ZNF831: variants seen among roughly 807,000 people sequenced by gnomAD.
ZNF831 encodes the protein chromosome 20 open reading frame 174.
In ZNF831, 59 loss-of-function variants were observed where a neutral mutation model predicts 95.8. That is an observed-to-expected ratio of 0.62 (90% CI 0.50 to 0.77). The LOEUF is 0.77. Among genes scored for constraint, ZNF831 ranks in the 30% least tolerant of loss-of-function variants. The pLI is 0.00. For synonymous variants in ZNF831, 961 were observed against 925.5 expected (o/e 1.04, Z -0.70); for missense variants, 2,205 against 2,164.0 (o/e 1.02, Z -0.38).
chr20:59,124,735 G>A (rs1341737366), intron 1 of ZNF831, among the ~76,000 whole-genome samples: 1 of 152,230 alleles, frequency 6.6e-6, no homozygotes, highest in African/African-American at 2.4e-5. Context: ...TCTCTCTCGT[G>A]TAAGGGGCTG....
At chr20:59,148,858 T>A (rs1436644504) in intron 2 of ZNF831, among the ~76,000 whole-genome samples, 2 of 151,950 alleles carry the variant, frequency 1.3e-5, no homozygotes, top group Admixed American at 6.5e-5. Flanking sequence ...CTGGTGTGAG[T>A]TCTGCCCTCC....
chr20:59,168,583 T>C (rs1482068100), intron 1 of ZNF831, among the ~76,000 whole-genome samples: 1 of 152,060 alleles, frequency 6.6e-6, no homozygotes, highest in African/African-American at 2.4e-5. Flanking sequence ...GTATTTTGTA[T>C]TTCTTTCTTG....
intron 1 of ZNF831, among the ~76,000 whole-genome samples, chr20:59,165,853 G>A (rs112614097): frequency 0.016 from 2,428 of 152,124 alleles, 70 homozygotes; most frequent in African/African-American, 0.055. Context: ...GGGTTAAAGC[G>A]ATTCTTCTGC....
intron 4 of ZNF831, among the ~76,000 whole-genome samples, chr20:59,243,448 A>T (rs1012993162): frequency 1.4e-4 from 21 of 152,190 alleles, no homozygotes; most frequent in African/African-American, 5.1e-4. Context: ...TCTTCTTTTT[A>T]TCCTTTGCAC....
chr20:59,160,647 G>GC, upstream of ZNF831: 1 of 152,412 alleles, frequency 6.6e-6, no homozygotes, highest in Admixed American at 6.5e-5. Flanking sequence ...AAGGTGAAGG[G>GC]TGTCCCTGCT....
At chr20:59,126,659 G>A (rs236718) in intron 1 of ZNF831, among the ~76,000 whole-genome samples, 2 of 152,212 alleles carry the variant, frequency 1.3e-5, no homozygotes, top group Non-Finnish European at 2.9e-5. Context: ...ATGGCGCCCC[G>A]TTTCCATATG....
intron 4 of ZNF831, among the ~76,000 whole-genome samples, chr20:59,231,474 TATTC>T (rs1470256665): frequency 1.3e-5 from 2 of 152,228 alleles, no homozygotes; most frequent in East Asian, 3.8e-4. Flanking sequence ...AGTAAAATCT[TATTC>T]ATTATTGTGC....
At chr20:59,145,429 C>G (rs1056699087) in intron 1 of ZNF831, among the ~76,000 whole-genome samples, 1 of 152,178 alleles carries the variant, frequency 6.6e-6, no homozygotes, top group African/African-American at 2.4e-5. Context: ...GAGCCTTTAC[C>G]TGGTAATGTG....
At chr20:59,209,442 CAG>C (rs1354771232) in intron 4 of ZNF831, among the ~76,000 whole-genome samples, 1 of 152,150 alleles carries the variant, frequency 6.6e-6, no homozygotes. Flanking sequence ...GGAGAACAGA[CAG>C]AGACTTTCTG....
intron 4 of ZNF831, among the ~76,000 whole-genome samples, chr20:59,218,953 C>T (rs1985894722): frequency 6.6e-6 from 1 of 152,058 alleles, no homozygotes; most frequent in Admixed American, 6.6e-5. Context: ...GTGGAGGTTG[C>T]AGTGAGCCAA....
intron 5 of ZNF831, 147 bp downstream of exon 5, chr20:59,253,285 CAAAT>C: frequency 1.3e-6 from 1 of 791,956 alleles, no homozygotes; most frequent in Non-Finnish European, 2.0e-6. Context: ...TTAAGACAAA[CAAAT>C]AACTCAAAAC....
chr20:59,252,202 A>G (rs1254292396), intron 4 of ZNF831, among the ~76,000 whole-genome samples: 1 of 152,236 alleles, frequency 6.6e-6, no homozygotes, highest in Non-Finnish European at 1.5e-5. Context: ...TTCTTAATAC[A>G]CAGTTAGGCT....
At chr20:59,147,867 T>C (rs1022581365) in intron 2 of ZNF831, among the ~76,000 whole-genome samples, 2 of 152,238 alleles carry the variant, frequency 1.3e-5, no homozygotes, top group Non-Finnish European at 2.9e-5. Flanking sequence ...GCAGCTGAAA[T>C]GCAGGCATGA....
chr20:59,224,957 ATTT>A (rs78688579), intron 4 of ZNF831, among the ~76,000 whole-genome samples: 2 of 148,240 alleles, frequency 1.3e-5, no homozygotes, highest in Non-Finnish European at 3.0e-5. Flanking sequence ...AAATTTTGTG[ATTT>A]TTTTTTTTCC....
rs137931388 is a variant in ZNF831, at chr20:59,135,527, C to T, written c.-1424-10704C>T. On this transcript the variant is annotated intron_variant, in intron 1 of 7. Coordinates refer to the ZNF831 transcript ENST00000637017. ...CGGGCAGATCATGAGGTCAAGAGAT[C>T]GAGACCATCCTGGCTAACGTGATGA... Among the ~76,000 whole-genome samples the T allele has an allele frequency of 5.1e-3, 774 of 152,270 alleles. 9 individuals carry two copies. The highest frequency in any genetic ancestry group is 0.018 in the African/African-American group (742 of 41,544).
Position 59,228,933 on chromosome 20 carries a change from C to T in ZNF831, c.4027+21877C>T, listed in dbSNP as rs576509770. ...ATTCTTTCTGACTATATTTTTTGTA[C>T]GCCTTCACAAGTTTTTCTTTATCTG... On this transcript the variant is annotated intron_variant, in intron 4 of 5. Transcript: ENST00000371030. Among the ~76,000 whole-genome samples, 11 of 152,116 alleles carry T rather than the reference C, an allele frequency of 7.2e-5. No homozygotes were observed. The South Asian group carries it at 1.5e-3, about 20-fold the overall frequency.
At position 59,169,724 on chromosome 20, in the gene ZNF831, A is replaced by G. The variant is rs1464689775; in HGVS notation, c.-37+5517A>G. On this transcript the variant is annotated intron_variant, in intron 1 of 5. Transcript: ENST00000371030. The surrounding 1 kb of genome is among the most constrained non-coding windows in gnomAD (Gnocchi z 4.1). ...AGACCAGCCTGGCCAACATGATGAA[A>G]CCCTATCTCTACTAAAAATACAAAA... 6.6e-6 allele frequency among the ~76,000 whole-genome samples: 1 copy of G among 152,042 alleles called. No homozygotes were observed. The highest frequency in any genetic ancestry group is 1.9e-4 in the East Asian group (1 of 5,186).
At chr20:59,220,547 C>G (rs1386053831) in intron 4 of ZNF831, among the ~76,000 whole-genome samples, 4 of 152,224 alleles carry the variant, frequency 2.6e-5, no homozygotes, top group African/African-American at 9.6e-5. Flanking sequence ...ACTCCCTCTC[C>G]AGCCTCTTGA....
At chr20:59,162,003 C>A (rs138792591), upstream of ZNF831, among the ~76,000 whole-genome samples, 139 of 152,266 alleles carry the variant, frequency 9.1e-4, no homozygotes, top group Middle Eastern at 3.4e-3. Flanking sequence ...ATTTGCATTT[C>A]TCTGATAATC....
Sources: allele counts gnomAD v4.1 joint callset (sites outside exome capture counted in the v4.1 genomes callset), GRCh38; gene constraint gnomAD v4.1.1; non-coding constraint Gnocchi (gnomAD v3.1); transcripts MANE v1.5; gene names NCBI Gene and HGNC (gene_info 2026-07-23, HGNC 2026-07-21).